The following SNX29 variants were observed in gnomAD, a reference collection of about 807,000 sequenced individuals.
SNX29 encodes the protein sorting nexin 29.
Under a neutral mutation model 102.1 loss-of-function variants are expected in SNX29, and 78 were observed. The ratio of observed to expected loss-of-function variants is 0.76; its 90% CI spans 0.64 to 0.92. The LOEUF is 0.92. Ranked by LOEUF, SNX29 falls within the 40% of genes least tolerant of loss-of-function variation. The probability of loss-of-function intolerance (pLI) is 0.00; values close to 1 mark genes in which losing one functional copy is unlikely to be tolerated. For missense variants in SNX29, 1,280 were observed against 1,061.7 expected, an observed-to-expected ratio of 1.21 and a Z score of -2.86; for synonymous variants, 580 against 414.5, an observed-to-expected ratio of 1.40 and a Z score of -4.85.
intron 19 of SNX29, among the ~76,000 whole-genome samples, chr16:12,489,665 G>A (rs1345043058): frequency 6.6e-6 from 1 of 152,210 alleles, no homozygotes; most frequent in African/African-American, 2.4e-5. Context: ...TAAAAACCAG[G>A]TCTACAGGGA....
chr16:12,509,188 AT>A (rs1354788163), intron 19 of SNX29, among the ~76,000 whole-genome samples: 2 of 152,176 alleles, frequency 1.3e-5, no homozygotes, highest in African/African-American at 4.8e-5. Flanking sequence ...GCCTCTGAGA[AT>A]CTCTAATCCA....
At chr16:12,506,036 C>G (rs984986038) in intron 19 of SNX29, among the ~76,000 whole-genome samples, 1 of 152,150 alleles carries the variant, frequency 6.6e-6, no homozygotes, top group Non-Finnish European at 1.5e-5. Flanking sequence ...TCTCGCCTCA[C>G]TGCAACCTCC....
intron 15 of SNX29, among the ~76,000 whole-genome samples, chr16:12,326,127 G>C (rs2081109609): frequency 6.6e-6 from 1 of 151,848 alleles, no homozygotes; most frequent in Non-Finnish European, 1.5e-5. Flanking sequence ...CCGGGTTCAA[G>C]CGATTCTCGT....
intron 1 of SNX29, among the ~76,000 whole-genome samples, chr16:11,998,070 C>G (rs2056154119): frequency 6.6e-6 from 1 of 152,184 alleles, no homozygotes; most frequent in Non-Finnish European, 1.5e-5. Flanking sequence ...TATCAACCAG[C>G]TGGCCCTGGC....
At chr16:12,254,078 A>C (rs2078498540) in intron 14 of SNX29, among the ~76,000 whole-genome samples, 1 of 152,138 alleles carries the variant, frequency 6.6e-6, no homozygotes, top group African/African-American at 2.4e-5. Flanking sequence ...GGAGGCTGCT[A>C]ACCAGGATGG....
At chr16:12,227,996 G>A (rs991381467) in intron 14 of SNX29, among the ~76,000 whole-genome samples, 1 of 149,658 alleles carries the variant, frequency 6.7e-6, no homozygotes, top group Non-Finnish European at 1.5e-5. Flanking sequence ...GAGGCAGGAT[G>A]TTGCTGGGCT....
intron 20 of SNX29, among the ~76,000 whole-genome samples, chr16:12,560,467 G>T (rs1017726638): frequency 6.6e-6 from 1 of 152,112 alleles, no homozygotes; most frequent in Non-Finnish European, 1.5e-5. Flanking sequence ...GTTCTTGCCT[G>T]GGAGTCACAC....
intron 13 of SNX29, among the ~76,000 whole-genome samples, chr16:12,153,123 C>G (rs750100242): frequency 6.6e-6 from 1 of 152,210 alleles, no homozygotes; most frequent in Admixed American, 6.5e-5. Flanking sequence ...AAGAGCTGGG[C>G]ACTGTGGCTC....
chr16:12,150,057 C>T (rs1394795412), intron 13 of SNX29, among the ~76,000 whole-genome samples: 3 of 152,102 alleles, frequency 2.0e-5, no homozygotes, highest in Non-Finnish European at 4.4e-5. Flanking sequence ...GGCCTGGGAA[C>T]AGATTCCCAA....
intron 20 of SNX29, among the ~76,000 whole-genome samples, chr16:12,551,517 C>CT (rs1597947914): frequency 6.6e-6 from 1 of 152,288 alleles, no homozygotes; most frequent in East Asian, 1.9e-4. Flanking sequence ...GCATCAGGAT[C>CT]TTTTTAAAGT....
chr16:12,522,485 A>G (rs1043546776), intron 19 of SNX29, among the ~76,000 whole-genome samples: 1 of 152,090 alleles, frequency 6.6e-6, no homozygotes, highest in Admixed American at 6.6e-5. Context: ...TCCTACCCAA[A>G]TCTCCTGTCG....
chr16:12,340,166 G>A (rs551043805), intron 15 of SNX29, among the ~76,000 whole-genome samples: 10 of 152,058 alleles, frequency 6.6e-5, no homozygotes, highest in African/African-American at 2.2e-4. Flanking sequence ...TTTCATCATC[G>A]TCATCTTCTC....
intron 15 of SNX29, among the ~76,000 whole-genome samples, chr16:12,344,301 G>C (rs1347886660): frequency 1.3e-5 from 2 of 152,190 alleles, no homozygotes; most frequent in Non-Finnish European, 2.9e-5. Flanking sequence ...GAGAGAGATT[G>C]TCCAGCATGG....
intron 14 of SNX29, among the ~76,000 whole-genome samples, chr16:12,234,437 A>G (rs116996315): frequency 0.032 from 4,908 of 151,288 alleles, 100 homozygotes; most frequent in South Asian, 0.068. Context: ...GAGTTGTATG[A>G]GTTCTTTGTG....
At chr16:12,050,713 G>A (rs2050262977) in intron 7 of SNX29, among the ~76,000 whole-genome samples, 2 of 151,698 alleles carry the variant, frequency 1.3e-5, no homozygotes, top group South Asian at 4.2e-4. Flanking sequence ...TGTTATTTCT[G>A]CCACTTTTTT....
In SNX29 at chr16:12,570,817, G is replaced by C. The variant is rs530201268; in HGVS notation, c.*2188G>C. The C allele has an allele frequency of 4.3e-6, 1 of 232,306 alleles. No homozygotes were observed. The highest frequency in any genetic ancestry group is 8.5e-6 in the Non-Finnish European group (1 of 117,508). The allele number at this position is 232,306 out of a possible 1,614,324, so 14.4% of individuals were successfully genotyped here. A position where few individuals can be genotyped will look rare whatever the true frequency, so the allele number is the denominator to read the frequency against. On this transcript the variant is annotated 3_prime_UTR_variant, in exon 21 of 21. Transcript: ENST00000566228. ...ATTGCTGAGAGATACTAACCCGTGA[G>C]AAACAAGTATGCTCTCAGCTGGTAT...
At chr16:12,490,193 G>A (rs990862433) in intron 19 of SNX29, among the ~76,000 whole-genome samples, 8 of 152,140 alleles carry the variant, frequency 5.3e-5, no homozygotes, top group African/African-American at 1.9e-4. Context: ...AACACACCTA[G>A]GCAAACAGCA....
intron 20 of SNX29, among the ~76,000 whole-genome samples, chr16:12,547,262 C>T (rs1317579716): frequency 2.0e-5 from 3 of 152,208 alleles, no homozygotes; most frequent in South Asian, 2.1e-4. Context: ...AAAGGTCCTG[C>T]AGCCTTGAAG....
intron 18 of SNX29, among the ~76,000 whole-genome samples, chr16:12,459,543 C>T (rs1453346615): frequency 4.6e-5 from 7 of 152,174 alleles, no homozygotes; most frequent in East Asian, 3.9e-4. Flanking sequence ...ACTGTTCGCA[C>T]GGAGGCTTCC....
Sources: allele counts gnomAD v4.1 joint callset (sites outside exome capture counted in the v4.1 genomes callset), GRCh38; gene constraint gnomAD v4.1.1; transcripts MANE v1.5; gene names NCBI Gene and HGNC (gene_info 2026-07-23, HGNC 2026-07-21).